Variants in ANGPTL2 observed in about 807,000 individuals in gnomAD.
ANGPTL2 encodes angiopoietin-related protein 2.
A neutral mutation model predicts 52.8 loss-of-function variants in ANGPTL2; 25 were observed. The observed-to-expected ratio is 0.47, with a 90% CI of 0.35 to 0.66. The LOEUF is 0.66. Among genes scored for constraint, ANGPTL2 ranks in the 30% least tolerant of loss-of-function variants. The pLI, the probability that ANGPTL2 is intolerant of heterozygous loss-of-function variation, is 0.01. For missense variants in ANGPTL2, 546 were observed against 656.9 expected (o/e 0.83, Z 1.84); for synonymous variants, 276 against 277.4 (o/e 1.00, Z 0.05).
intron 2 of ANGPTL2, 49 bp downstream of exon 2, chr9:127,107,866 G>A: frequency 6.7e-7 from 1 of 1,496,986 alleles, no homozygotes; most frequent in South Asian, 1.4e-5. Context: ...AGGGAAGCCT[G>A]GTGCCTGGCT....
At position 127,091,134 on chromosome 9, in the gene ANGPTL2, C is replaced by T. The variant is rs1289560188; in HGVS notation, c.1282+536G>A. On this transcript the variant is annotated intron_variant, in intron 4 of 4. Coordinates refer to ENST00000373425, the MANE Select transcript of ANGPTL2 (RefSeq NM_012098.3). This position sits in a 1 kb window ranked among gnomAD's most constrained non-coding sequence, Gnocchi z 4.3. Reference sequence around the variant, plus strand: ...CCCTCGCTATGTGCCAAATCCTAGACAAAGCACTTTAGGTACATTCTCTCT... The same window carrying T: ...CCCTCGCTATGTGCCAAATCCTAGATAAAGCACTTTAGGTACATTCTCTCT... Among the ~76,000 whole-genome samples the T allele has an allele frequency of 6.6e-6, 1 of 152,264 alleles. No individual in the cohort carries two copies. Among genetic ancestry groups the T allele is most frequent in the Non-Finnish European group, 1.5e-5 (1 of 68,048 alleles).
At chr9:127,107,811 TG>T in intron 2 of ANGPTL2, 103 bp downstream of exon 2, 2 of 1,226,668 alleles carry the variant, frequency 1.6e-6, no homozygotes, top group Non-Finnish European at 2.3e-6. Context: ...GTCTTTGGCC[TG>T]GCTTCAACTG....
intron 1 of ANGPTL2, among the ~76,000 whole-genome samples, chr9:127,109,109 A>G (rs879871304): frequency 3.3e-5 from 5 of 152,212 alleles, no homozygotes; most frequent in Admixed American, 6.5e-5. Flanking sequence ...AATCGTATCC[A>G]GGCAGCTTCA....
chr9:127,090,981 G>C (rs1241877254), intron 4 of ANGPTL2, among the ~76,000 whole-genome samples: 1 of 152,208 alleles, frequency 6.6e-6, no homozygotes, highest in Non-Finnish European at 1.5e-5. Flanking sequence ...ACCTAGATTT[G>C]AAGCATGTGA....
rs759968104 is a variant in ANGPTL2 at position 127,108,147 on chromosome 9, C to A, written c.585G>T (p.Glu195Asp). Reference protein sequence around the residue: ...HLATLAHNQSEIIAQLEEHCQ... With the variant: ...HLATLAHNQSDIIAQLEEHCQ... ...AGTGCTCCTCAAGCTGCGCGATGAT[C>A]TCTGATTGGTTGTGGGCCAGTGTGG... The change falls in exon 2 of 5, where the codon GAG becomes GAT. Residue 195 changes from glutamate (E) to aspartate (D), a missense_variant. Transcript: ENST00000373425. 5 of 1,614,132 alleles carry A rather than the reference C, an allele frequency of 3.1e-6. No individual in the cohort carries two copies. Among genetic ancestry groups the A allele is most frequent in the Non-Finnish European group, 3.4e-6 (4 of 1,180,010 alleles).
At chr9:127,101,506 T>C (rs2053724672) in intron 2 of ANGPTL2, among the ~76,000 whole-genome samples, 1 of 152,110 alleles carries the variant, frequency 6.6e-6, no homozygotes, top group Non-Finnish European at 1.5e-5. Flanking sequence ...CCTCCATCCT[T>C]CACCCTCCAT....
Position 127,108,176 on chromosome 9 carries a change from G to A in ANGPTL2, c.556C>T (p.Leu186=), listed in dbSNP as rs372742564. The change falls in exon 2 of 5, where the codon CTG becomes TTG. Residue 186 remains leucine (L), a synonymous_variant. Coordinates refer to ENST00000373425, the MANE Select transcript of ANGPTL2 (RefSeq NM_012098.3). ...YKDLEHKYQH[L]ATLAHNQSEI... Reference sequence around the variant, plus strand: ...GATTGGTTGTGGGCCAGTGTGGCCAGGTGCTGGTACTTGTGCTCCAGGTCC... The same window carrying A: ...GATTGGTTGTGGGCCAGTGTGGCCAAGTGCTGGTACTTGTGCTCCAGGTCC... The A allele has an allele frequency of 4.3e-6, 7 of 1,614,144 alleles. No homozygotes were observed. Among genetic ancestry groups the A allele is most frequent in the Non-Finnish European group, 5.1e-6 (6 of 1,180,028 alleles).
intron 2 of ANGPTL2, among the ~76,000 whole-genome samples, chr9:127,100,745 C>T (rs987795533): frequency 4.6e-5 from 7 of 152,214 alleles, no homozygotes; most frequent in African/African-American, 1.7e-4. Context: ...CCCATGACTA[C>T]AATCCACAGA....
intron 1 of ANGPTL2, among the ~76,000 whole-genome samples, chr9:127,120,823 A>G (rs1020549464): frequency 2.0e-5 from 3 of 150,224 alleles, no homozygotes; most frequent in Non-Finnish European, 4.5e-5. Flanking sequence ...GCGAGACTCC[A>G]TCTCAAAAAA....
At chr9:127,120,027 C>T (rs1219645018) in intron 1 of ANGPTL2, among the ~76,000 whole-genome samples, 3 of 152,224 alleles carry the variant, frequency 2.0e-5, no homozygotes, top group African/African-American at 7.2e-5. Context: ...GGCCACAGCA[C>T]AGAAGCTCCT....
intron 1 of ANGPTL2, 64 bp from the exon 2 acceptor site, chr9:127,108,844 G>C: frequency 2.5e-6 from 3 of 1,187,376 alleles, no homozygotes; most frequent in Non-Finnish European, 3.5e-6. Flanking sequence ...TGTGCCATCA[G>C]TGATCCCAGC....
In ANGPTL2 at chr9:127,088,981, T is replaced by C. The variant is rs2136322403; in HGVS notation, c.1440A>G (p.Lys480=). 2 of 1,614,162 alleles carry C rather than the reference T, an allele frequency of 1.2e-6. No individual in the cohort carries two copies. The highest frequency in any genetic ancestry group is 1.7e-6 in the Non-Finnish European group (2 of 1,180,018). ...GGTTCGGTCGGATCATCATCACCAC[T>C]TTCTTGAGTGAGTAAGAGCCTCCTC... is the stretch of plus-strand genomic sequence containing the variant. ...EFRGGSYSLK[K]VVMMIRPNPN... is the part of the protein sequence containing the mutation. The change falls in exon 5 of 5, where the codon AAA becomes AAG. Residue 480 remains lysine, a synonymous_variant. Coordinates refer to ENST00000373425, the MANE Select transcript of ANGPTL2 (RefSeq NM_012098.3).
In ANGPTL2 at chr9:127,122,249, C is replaced by T. The variant is rs749301073; in HGVS notation, c.-50+66G>A. The T allele has an allele frequency of 3.3e-5, 5 of 152,330 alleles. No individual in the cohort carries two copies. The highest frequency in any genetic ancestry group is 4.8e-5 in the African/African-American group (2 of 41,440). 9.4% of individuals were successfully genotyped at this position (152,330 alleles called of 1,614,324 possible). A position where few individuals can be genotyped will look rare whatever the true frequency, so the allele number is the denominator to read the frequency against. On this transcript the variant is annotated intron_variant, in intron 1 of 4. Coordinates refer to ENST00000373425, the MANE Select transcript of ANGPTL2 (RefSeq NM_012098.3). The surrounding 1 kb of genome is among the most constrained non-coding windows in gnomAD (Gnocchi z 6.4). ...GCTGGAGGGTCAGGGTTCTGGAAGC[C>T]CTAGCCACGGGGCCAGCGGCTGCCT... is the stretch of plus-strand genomic sequence containing the variant.
chr9:127,117,031 C>T (rs2137497961), intron 1 of ANGPTL2, among the ~76,000 whole-genome samples: 2 of 149,310 alleles, frequency 1.3e-5, no homozygotes, highest in South Asian at 4.2e-4. Context: ...CTGTCTGACA[C>T]CCACATCTGA....
At chr9:127,112,153 CCT>C (rs2054882423) in intron 1 of ANGPTL2, among the ~76,000 whole-genome samples, 1 of 152,214 alleles carries the variant, frequency 6.6e-6, no homozygotes, top group Non-Finnish European at 1.5e-5. Context: ...CCTGCTCAGG[CCT>C]CTCTGAGGCT....
intron 2 of ANGPTL2, among the ~76,000 whole-genome samples, chr9:127,097,847 G>A (rs1472053187): frequency 1.3e-5 from 2 of 152,188 alleles, no homozygotes; most frequent in African/African-American, 4.8e-5. Context: ...CTCCAATCTC[G>A]ATGGCCTCAC....
intron 2 of ANGPTL2, among the ~76,000 whole-genome samples, chr9:127,102,159 A>G (rs1189037263): frequency 6.6e-6 from 1 of 152,192 alleles, no homozygotes; most frequent in Non-Finnish European, 1.5e-5. Flanking sequence ...GGAAGTATAT[A>G]CTTCATTACT....
intron 2 of ANGPTL2, among the ~76,000 whole-genome samples, chr9:127,105,834 T>C (rs147649002): frequency 2.6e-4 from 40 of 152,324 alleles, no homozygotes; most frequent in African/African-American, 8.2e-4. Context: ...GGGACCACAA[T>C]TGTCACCTAC....
At chr9:127,115,696 A>G (rs2055337562) in intron 1 of ANGPTL2, among the ~76,000 whole-genome samples, 6 of 152,238 alleles carry the variant, frequency 3.9e-5, no homozygotes, top group Admixed American at 3.9e-4. Context: ...TGCAGCTTGC[A>G]TGTTACTCAC....
Sources: gnomAD v4.1 joint callset for allele counts (sites outside exome capture counted in the v4.1 genomes callset) on GRCh38, gnomAD v4.1.1 for gene constraint, Gnocchi (gnomAD v3.1) non-coding constraint, MANE v1.5 for transcripts, NCBI Gene and HGNC (gene_info 2026-07-23, HGNC 2026-07-21) for gene names.